GLIS3: variants seen among roughly 807,000 people sequenced by gnomAD.
GLIS3 encodes the protein zinc finger protein GLIS3.
A neutral mutation model predicts 78.6 loss-of-function variants in GLIS3; 53 were observed. The ratio of observed to expected loss-of-function variants is 0.67; its 90% CI spans 0.54 to 0.85. The LOEUF (loss-of-function observed/expected upper bound fraction) is 0.85, where lower values mean the gene tolerates loss of function less well. Ranked by LOEUF, GLIS3 falls within the 40% of genes least tolerant of loss-of-function variation. The pLI is 0.00. For missense variants in GLIS3, 1,703 were observed against 1,231.1 expected, an observed-to-expected ratio of 1.38 and a Z score of -5.74; for synonymous variants, 684 against 509.9, an observed-to-expected ratio of 1.34 and a Z score of -4.60.
chr9:4,251,643 G>A (rs1478487614), intron 2 of GLIS3, among the ~76,000 whole-genome samples: 1 of 152,146 alleles, frequency 6.6e-6, no homozygotes, highest in Non-Finnish European at 1.5e-5. Context: ...ATTTAATCCT[G>A]TCATTATGAT....
Position 4,118,604 on chromosome 9 carries a change from T to A in GLIS3, c.874A>T (p.Arg292Trp). 1 of 1,614,168 alleles carries A rather than the reference T, an allele frequency of 6.2e-7. No homozygotes were observed. Reference protein sequence around the residue: ...PYPSPRHSSTRSHSARSKKRA... With the variant: ...PYPSPRHSSTWSHSARSKKRA... ...TTCTTGGAGCGGGCCGAGTGGGACCTGGTGGATGAGTGCCGAGGACTAGGG... is the reference window on the plus strand; with the variant it reads ...TTCTTGGAGCGGGCCGAGTGGGACCAGGTGGATGAGTGCCGAGGACTAGGG... Residue 292 changes from arginine to tryptophan, a missense_variant, in exon 4 of 11, where the codon AGG becomes TGG. By Grantham distance (101) the Arg-to-Trp change is moderately radical. Transcript: ENST00000381971. The surrounding 1 kb of genome is among the most constrained non-coding windows in gnomAD (Gnocchi z 4.7).
At chr9:4,450,915 T>A in the GLIS3 span, among the ~76,000 whole-genome samples, 9 of 152,156 alleles carry the variant, frequency 5.9e-5, no homozygotes, top group African/African-American at 2.2e-4. Context: ...GTAAAGACCA[T>A]CAATGCTAGA....
intron 2 of GLIS3, among the ~76,000 whole-genome samples, chr9:4,320,145 C>T (rs1337530852): frequency 6.6e-6 from 1 of 152,172 alleles, no homozygotes; most frequent in Non-Finnish European, 1.5e-5. Flanking sequence ...ATCTGAGTCA[C>T]AGCCACCCCA....
intron 3 of GLIS3, among the ~76,000 whole-genome samples, chr9:4,125,094 C>A (rs916947141): frequency 6.6e-6 from 1 of 152,162 alleles, no homozygotes; most frequent in Non-Finnish European, 1.5e-5. Context: ...ATTTATAGTA[C>A]CTACTTACTA....
chr9:3,849,173 C>T (rs191150908), intron 9 of GLIS3, among the ~76,000 whole-genome samples: 4 of 152,142 alleles, frequency 2.6e-5, no homozygotes, highest in African/African-American at 9.7e-5. Context: ...GTACGGAAAC[C>T]TAAGAGAATG....
chr9:4,433,120 G>C, the GLIS3 span, among the ~76,000 whole-genome samples: 1 of 152,126 alleles, frequency 6.6e-6, no homozygotes, highest in African/African-American at 2.4e-5. Context: ...TATAAATGTT[G>C]CTCTGATTAT....
At chr9:4,445,777 C>T in the GLIS3 span, among the ~76,000 whole-genome samples, 1 of 152,198 alleles carries the variant, frequency 6.6e-6, no homozygotes. Flanking sequence ...CCGAATCCTT[C>T]TCAAGTACAC....
At chr9:4,079,633 G>T (rs1442048925) in intron 4 of GLIS3, among the ~76,000 whole-genome samples, 2 of 151,970 alleles carry the variant, frequency 1.3e-5, no homozygotes, top group Non-Finnish European at 2.9e-5. Flanking sequence ...CATGTCCCCA[G>T]TGCTGGGAAG....
At chr9:4,148,668 G>C (rs2131026050) in intron 2 of GLIS3, among the ~76,000 whole-genome samples, 1 of 152,120 alleles carries the variant, frequency 6.6e-6, no homozygotes, top group Non-Finnish European at 1.5e-5. Context: ...CCTATGAACA[G>C]GTAATGCCCA....
intron 4 of GLIS3, among the ~76,000 whole-genome samples, chr9:3,966,142 T>C (rs1817918210): frequency 1.3e-5 from 2 of 152,232 alleles, no homozygotes; most frequent in African/African-American, 4.8e-5. Context: ...CTTCACCTTA[T>C]TGGAAACTGA....
chr9:3,995,975 C>T (rs1294883655), intron 4 of GLIS3, among the ~76,000 whole-genome samples: 4 of 151,536 alleles, frequency 2.6e-5, no homozygotes, highest in Non-Finnish European at 5.9e-5. Flanking sequence ...AAATTCTAAG[C>T]AAGACTAATA....
At chr9:3,920,323 T>A (rs545538703) in intron 6 of GLIS3, among the ~76,000 whole-genome samples, 1 of 152,322 alleles carries the variant, frequency 6.6e-6, no homozygotes, top group African/African-American at 2.4e-5. Flanking sequence ...GTTTTAAATA[T>A]CAAATCACCC....
chr9:3,942,413 G>A (rs1314864698), intron 4 of GLIS3, among the ~76,000 whole-genome samples: 2 of 152,128 alleles, frequency 1.3e-5, no homozygotes, highest in Non-Finnish European at 2.9e-5. Flanking sequence ...CCAAAGAGAA[G>A]AAAGGCATGG....
At chr9:3,867,775 G>T (rs1743955724) in intron 8 of GLIS3, among the ~76,000 whole-genome samples, 1 of 151,940 alleles carries the variant, frequency 6.6e-6, no homozygotes, top group Admixed American at 6.6e-5. Context: ...GTGTATGCGT[G>T]TGCATGCACA....
intron 2 of GLIS3, among the ~76,000 whole-genome samples, chr9:4,265,886 C>T (rs1288737933): frequency 6.7e-6 from 1 of 148,162 alleles, no homozygotes; most frequent in Non-Finnish European, 1.5e-5. Flanking sequence ...TAGTAAAATG[C>T]ACTCACCCTG....
intron 9 of GLIS3, among the ~76,000 whole-genome samples, chr9:3,851,330 C>T (rs1233328076): frequency 6.6e-6 from 1 of 152,138 alleles, no homozygotes; most frequent in Non-Finnish European, 1.5e-5. Context: ...GCAGAGTGTC[C>T]CTATGTTTAC....
intron 2 of GLIS3, among the ~76,000 whole-genome samples, chr9:4,333,828 A>G (rs578092518): frequency 6.7e-6 from 1 of 149,092 alleles, no homozygotes; most frequent in South Asian, 2.1e-4. Context: ...GAGAAATTAT[A>G]TTATCATAAA....
At chr9:3,994,898 C>A (rs1820622111) in intron 4 of GLIS3, among the ~76,000 whole-genome samples, 1 of 149,474 alleles carries the variant, frequency 6.7e-6, no homozygotes, top group South Asian at 2.1e-4. Context: ...GCCTCAGAGG[C>A]CAGAAAACAA....
intron 4 of GLIS3, among the ~76,000 whole-genome samples, chr9:3,970,531 G>C (rs569596199): frequency 2.0e-4 from 31 of 152,144 alleles, no homozygotes; most frequent in African/African-American, 7.5e-4. Flanking sequence ...AGAAATAAGA[G>C]ACTACCAGTG....
Sources: allele counts gnomAD v4.1 joint callset (sites outside exome capture counted in the v4.1 genomes callset), GRCh38; gene constraint gnomAD v4.1.1; non-coding constraint Gnocchi (gnomAD v3.1); transcripts MANE v1.5; gene names NCBI Gene and HGNC (gene_info 2026-07-23, HGNC 2026-07-21).